SPEG: variants seen among roughly 807,000 people sequenced by gnomAD.
SPEG encodes the protein striated muscle enriched protein kinase.
A neutral mutation model predicts 300.4 loss-of-function variants in SPEG; 114 were observed. The observed-to-expected ratio is 0.38, with a 90% confidence interval of 0.33 to 0.44. The LOEUF is 0.44. Ranked by LOEUF, SPEG falls within the 20% of genes least tolerant of loss-of-function variation. The pLI is 1.00. For synonymous variants in SPEG, 1,964 were observed against 2,018.9 expected, an observed-to-expected ratio of 0.97 and a Z score of 0.73; for missense variants, 4,201 against 4,586.2, an observed-to-expected ratio of 0.92 and a Z score of 2.43.
intron 6 of SPEG, among the ~76,000 whole-genome samples, chr2:219,453,437 G>C (rs1301442837): frequency 1.3e-5 from 2 of 152,204 alleles, no homozygotes; most frequent in Non-Finnish European, 2.9e-5. Context: ...CGTTATTAAC[G>C]GGTGCTGTTG....
In SPEG at chr2:219,443,349, C is replaced by A; in HGVS notation, c.389-1304C>A. 1 of 650,766 alleles carries A rather than the reference C, an allele frequency of 1.5e-6. No homozygotes were observed. The allele number at this position is 650,766 out of a possible 1,614,324, so 40.3% of individuals were successfully genotyped here. The stretch of plus-strand genomic sequence containing the variant: ...AGAGAGGACCCAGCAGAAGGGAGGG[C>A]GGCTCACTAGCACACCCCTGCATGG... On this transcript the variant is annotated intron_variant, in intron 1 of 40. Coordinates refer to ENST00000312358, the MANE Select transcript of SPEG (RefSeq NM_005876.5). This position sits in a 1 kb window ranked among gnomAD's most constrained non-coding sequence, Gnocchi z 4.6.
chr2:219,467,095 C>A, intron 9 of SPEG, 79 bp from the exon 10 acceptor site: 2 of 1,447,396 alleles, frequency 1.4e-6, no homozygotes, highest in Non-Finnish European at 1.8e-6. Flanking sequence ...GTCTGTCTCT[C>A]TGTGCGTGCG....
At position 219,464,504 on chromosome 2, in the gene SPEG, G is replaced by A. The variant is rs376823807; in HGVS notation, c.2777G>A (p.Arg926Gln). Residue 926 changes from arginine to glutamine, a missense_variant, in exon 9 of 41, where the codon CGG becomes CAG. Arg to Gln is a conservative substitution (Grantham distance 43, BLOSUM62 1). Coordinates refer to ENST00000312358, the MANE Select transcript of SPEG (RefSeq NM_005876.5). The surrounding 1 kb of genome is among the most constrained non-coding windows in gnomAD (Gnocchi z 4.5). Reference protein sequence around the residue: ...FAEEAEGGLCRLRILAAERGD... With the variant: ...FAEEAEGGLCQLRILAAERGD... ...GAGGAGGCTGAGGGTGGGCTGTGCC[G>A]GCTGCGGATCCTGGCTGCAGAGCGT... The A allele has an allele frequency of 1.4e-5, 23 of 1,613,988 alleles. No homozygotes were observed. In the Admixed American group the frequency reaches 1.7e-4, roughly 12 times the overall value.
chr2:219,472,918 G>T lies in SPEG; in HGVS notation c.3969G>T (p.Gln1323His), dbSNP rs55876679. The T allele has an allele frequency of 1.4e-3, 2,258 of 1,612,436 alleles. 3 individuals carry two copies. The highest frequency in any genetic ancestry group is 1.7e-3 in the Non-Finnish European group (2,048 of 1,179,060). The change falls in exon 16 of 41, where the codon CAG (glutamine) becomes CAT (histidine). Residue 1323 changes from glutamine to histidine, a missense_variant. By Grantham distance (24) the Gln-to-His change is conservative. Around this residue, in one of 4 missense-constraint regions of SPEG, gnomAD observed 1,047 missense variants for 1,356.8 expected, o/e 0.77. Coordinates refer to ENST00000312358, the MANE Select transcript of SPEG (RefSeq NM_005876.5). ...CGGACTCCCTGACGTACACAGTGCA[G>T]CACCAGGTGCTGGGCTCGGACCAGT... is the stretch of plus-strand genomic sequence containing the variant. The part of the protein sequence containing the change: ...IDPDSLTYTV[Q>H]HQVLGSDQWT...
intron 8 of SPEG, 94 bp downstream of exon 8, chr2:219,462,480 G>A (rs764573753): frequency 1.7e-5 from 18 of 1,038,048 alleles, no homozygotes; most frequent in African/African-American, 3.2e-5. Context: ...TGGAATCTTG[G>A]TGGGCTTCCC....
At chr2:219,472,373 T>G (rs1321535908) in intron 15 of SPEG, 42 bp downstream of exon 15, 6 of 1,558,354 alleles carry the variant, frequency 3.9e-6, no homozygotes, top group Non-Finnish European at 5.3e-6. Flanking sequence ...GGAAGGGGTG[T>G]GGAGAAGGCA....
At position 219,448,757 on chromosome 2, in the gene SPEG, C is replaced by T. The variant is rs2125284545; in HGVS notation, c.1599C>T (p.Pro533=). 3.4e-6 allele frequency: 5 copies of T among 1,464,782 alleles called. No individual in the cohort carries two copies. Among genetic ancestry groups the T allele is most frequent in the African/African-American group, 3.0e-5 (2 of 67,718 alleles). 90.7% of individuals were successfully genotyped at this position (1,464,782 alleles called of 1,614,324 possible). A position where few individuals can be genotyped will look rare whatever the true frequency, so the allele number is the denominator to read the frequency against. The change falls in exon 4 of 41, where the codon CCC becomes CCT. Residue 533 remains proline (P), a synonymous_variant. Coordinates refer to ENST00000312358, the MANE Select transcript of SPEG (RefSeq NM_005876.5). Reference sequence around the variant, plus strand: ...CATCCCCTCGAGAGCCCGGCGAGCCCCCGCTCTTCTCTCGGCCCTCCACCC... The same window carrying T: ...CATCCCCTCGAGAGCCCGGCGAGCCTCCGCTCTTCTCTCGGCCCTCCACCC... ...RAPSPREPGE[P]PLFSRPSTPK...
Position 219,448,460 on chromosome 2 carries a change from C to G in SPEG, c.1302C>G (p.Arg434=). ...CCTGGGTGCCCCTGCGCAAGGCCCG[C>G]TCTCTGGAGCAGCCCAAGTCGGAGC... The part of the protein sequence containing the change: ...LRPWVPLRKA[R]SLEQPKSERG... The change falls in exon 4 of 41, where the codon CGC becomes CGG. Residue 434 remains arginine, a synonymous_variant. Coordinates refer to ENST00000312358, the MANE Select transcript of SPEG (RefSeq NM_005876.5). 6.7e-7 allele frequency: 1 copy of G among 1,500,076 alleles called. No individual in the cohort carries two copies. 92.9% of individuals were successfully genotyped at this position (1,500,076 alleles called of 1,614,324 possible). A position where few individuals can be genotyped will look rare whatever the true frequency, so the allele number is the denominator to read the frequency against.
At chr2:219,454,733 A>AGCC (rs1690042248) in intron 6 of SPEG, among the ~76,000 whole-genome samples, 1 of 152,236 alleles carries the variant, frequency 6.6e-6, no homozygotes, top group Admixed American at 6.5e-5. Flanking sequence ...TTCAGCAACA[A>AGCC]CTGATTTAGG....
chr2:219,487,097 GT>G (rs1464599268), intron 31 of SPEG, among the ~76,000 whole-genome samples: 1 of 151,830 alleles, frequency 6.6e-6, no homozygotes, highest in African/African-American at 2.4e-5. Flanking sequence ...CCACCCCCAA[GT>G]CCTCCCCTAT....
In SPEG at chr2:219,492,622, G is replaced by T. The variant is rs764613015; in HGVS notation, c.9640G>T (p.Ala3214Ser). The T allele has an allele frequency of 1.2e-6, 2 of 1,610,656 alleles. No individual in the cohort carries two copies. The highest frequency in any genetic ancestry group is 1.7e-6 in the Non-Finnish European group (2 of 1,179,992). ...WSRPSLQDCL[A>S]HPWLQDAYLM... ...CCGGCCCTCCCTGCAGGACTGCCTG[G>T]CCCACCCATGGTTGCAGGACGCCTA... Residue 3214 changes from alanine to serine, a missense_variant, in exon 41 of 41, where the codon GCC becomes TCC. Transcript: ENST00000312358.
Position 219,473,455 on chromosome 2 carries a change from A to G in SPEG, c.4148-49A>G. ...GGTGTTAGAGGAGTGGTGGGTGCTG[A>G]GGACCTGATGTCAAGCCCAGCACAG... On this transcript the variant is annotated intron_variant, in intron 16 of 40. Transcript: ENST00000312358. This position sits in a 1 kb window ranked among gnomAD's most constrained non-coding sequence, Gnocchi z 4.6. 6.3e-7 allele frequency: 1 copy of G among 1,578,016 alleles called. No homozygotes were observed.
intron 6 of SPEG, among the ~76,000 whole-genome samples, chr2:219,460,114 G>A (rs1047452122): frequency 6.6e-6 from 1 of 152,210 alleles, no homozygotes; most frequent in Non-Finnish European, 1.5e-5. Flanking sequence ...GTGGGTGGCG[G>A]GCAAGTTGCC....
intron 30 of SPEG, 104 bp from the exon 31 acceptor site, chr2:219,485,242 G>A: frequency 1.3e-6 from 2 of 1,508,494 alleles, no homozygotes; most frequent in South Asian, 2.5e-5. Context: ...GGCAGGGCTG[G>A]GTGGGCTAGG....
rs763812024 is a variant in SPEG, at chr2:219,444,924, C to T, written c.578C>T (p.Thr193Met). Residue 193 changes from threonine (T) to methionine (M), a missense_variant, in exon 3 of 41, where the codon ACG becomes ATG. By Grantham distance (81) the Thr-to-Met change is moderately conservative. Coordinates refer to ENST00000312358, the MANE Select transcript of SPEG (RefSeq NM_005876.5). This position sits in a 1 kb window ranked among gnomAD's most constrained non-coding sequence, Gnocchi z 7.8. ...EQVSWWGSGQTVLEQEAGSGG... is the reference protein window; with the variant it reads ...EQVSWWGSGQMVLEQEAGSGG... Reference sequence around the variant, plus strand: ...GTGAGCTGGTGGGGCAGCGGGCAGACGGTCCTGGAGCAGGAAGCGGGCAGT... The same window carrying T: ...GTGAGCTGGTGGGGCAGCGGGCAGATGGTCCTGGAGCAGGAAGCGGGCAGT... 1.7e-5 allele frequency: 27 copies of T among 1,579,318 alleles called. No homozygotes were observed. The highest frequency in any genetic ancestry group is 6.7e-5 in the East Asian group (3 of 44,614).
At chr2:219,488,395 G>A in intron 32 of SPEG, 85 bp downstream of exon 32, 2 of 1,499,448 alleles carry the variant, frequency 1.3e-6, no homozygotes, top group Non-Finnish European at 9.1e-7. Context: ...CCGGAGTGGG[G>A]ACTGAGCACG....
In SPEG at chr2:219,446,808, G is replaced by C. The variant is rs199586928; in HGVS notation, c.816-1166G>C. Among the ~76,000 whole-genome samples, 16 of 152,176 alleles carry C rather than the reference G, an allele frequency of 1.1e-4. No individual in the cohort carries two copies. The East Asian group carries it at 3.1e-3, about 29-fold the overall frequency. On this transcript the variant is annotated intron_variant, in intron 3 of 40. Coordinates refer to ENST00000312358, the MANE Select transcript of SPEG (RefSeq NM_005876.5). ...GCCTCAGTTTCTTCATCTGTAAATG[G>C]GGGTGATCACAGTTCTTACCTCACA...
rs1693886568 is a variant in SPEG at position 219,490,614 on chromosome 2, G to A, written c.9127G>A (p.Gly3043Ser). Residue 3043 changes from glycine to serine, a missense_variant, in exon 37 of 41, where the codon GGC becomes AGC. Physicochemically the swap from Gly to Ser is moderately conservative, Grantham distance 56. This residue lies in a region of SPEG where 318 missense variants were observed against 429.5 expected (regional missense o/e 0.74). Transcript: ENST00000312358. ...RYLVLIAESC[G>S]NRELLCGLSD... ...CCTCGTGCTCATTGCTGAGAGCTGTGGCAACCGGGAACTCCTCTGTGGGCT... is the reference window on the plus strand; with the variant it reads ...CCTCGTGCTCATTGCTGAGAGCTGTAGCAACCGGGAACTCCTCTGTGGGCT... The A allele has an allele frequency of 6.2e-7, 1 of 1,612,502 alleles. No individual in the cohort carries two copies. The highest frequency in any genetic ancestry group is 8.5e-7 in the Non-Finnish European group (1 of 1,178,550).
intron 14 of SPEG, 32 bp downstream of exon 14, chr2:219,472,019 G>T: frequency 6.2e-7 from 1 of 1,605,750 alleles, no homozygotes. Flanking sequence ...TCAGCTGCAC[G>T]CACAGCCTGG....
Sources: gnomAD v4.1 joint callset for allele counts (sites outside exome capture counted in the v4.1 genomes callset) on GRCh38, gnomAD v4.1.1 for gene constraint, gnomAD v4.1.1 regional missense constraint, Gnocchi (gnomAD v3.1) non-coding constraint, MANE v1.5 for transcripts, NCBI Gene and HGNC (gene_info 2026-07-23, HGNC 2026-07-21) for gene names.